Variants in FZD3 observed in about 807,000 individuals in gnomAD.
The protein encoded by FZD3 is frizzled-3.
Under a neutral mutation model 60.7 loss-of-function variants are expected in FZD3, and 30 were observed. The observed-to-expected ratio is 0.49, with a 90% CI of 0.37 to 0.67. The LOEUF (loss-of-function observed/expected upper bound fraction) is 0.67. Ranked by LOEUF, FZD3 falls within the 30% of genes least tolerant of loss-of-function variation. The pLI, the probability that FZD3 is intolerant of heterozygous loss-of-function variation, is 0.00. For synonymous variants in FZD3, 246 were observed against 275.2 expected, an observed-to-expected ratio of 0.89 and a Z score of 1.05; for missense variants, 605 against 838.7, an observed-to-expected ratio of 0.72 and a Z score of 3.44.
intron 5 of FZD3, among the ~76,000 whole-genome samples, chr8:28,537,366 A>C (rs946499124): frequency 3.3e-5 from 5 of 152,256 alleles, no homozygotes; most frequent in African/African-American, 1.2e-4. Flanking sequence ...CCACTGCAGA[A>C]ATACCTGATA....
Position 28,527,277 on chromosome 8 carries a change from C to G in FZD3, c.517C>G (p.Pro173Ala). 6.2e-7 allele frequency: 1 copy of G among 1,613,938 alleles called. No homozygotes were observed. The highest frequency in any genetic ancestry group is 2.2e-5 in the East Asian group (1 of 44,874). ...GTGTCCCCGAGAGTTAAAAATTGAT[C>G]CTGATCTGGGTTATTCTTTTCTGCA... ...FWCPRELKID[P>A]DLGYSFLHVR... Residue 173 changes from proline (P) to alanine (A), a missense_variant, in exon 5 of 8, where the codon CCT (proline) becomes GCT (alanine). Coordinates refer to ENST00000240093, the MANE Select transcript of FZD3 (RefSeq NM_017412.4). The surrounding 1 kb of genome is among the most constrained non-coding windows in gnomAD (Gnocchi z 5.0).
chr8:28,514,105 C>CCTATA (rs1354614537), intron 3 of FZD3, among the ~76,000 whole-genome samples: 1 of 152,140 alleles, frequency 6.6e-6, no homozygotes, highest in Non-Finnish European at 1.5e-5. Flanking sequence ...TTGTAAACTT[C>CCTATA]CTATACCCTG....
At chr8:28,525,775 C>G (rs1804699570) in intron 4 of FZD3, among the ~76,000 whole-genome samples, 2 of 152,096 alleles carry the variant, frequency 1.3e-5, no homozygotes, top group South Asian at 4.1e-4. Flanking sequence ...AAATGGAGAT[C>G]AATTGGAGGC....
intron 7 of FZD3, among the ~76,000 whole-genome samples, chr8:28,561,514 A>G (rs1805611875): frequency 6.6e-6 from 1 of 151,928 alleles, no homozygotes; most frequent in African/African-American, 2.4e-5. Flanking sequence ...TGTTACAATT[A>G]TTTTTGTGAA....
At chr8:28,525,203 C>T (rs1804685695) in intron 4 of FZD3, among the ~76,000 whole-genome samples, 1 of 152,128 alleles carries the variant, frequency 6.6e-6, no homozygotes, top group African/African-American at 2.4e-5. Flanking sequence ...GTGCTAGGCA[C>T]TATTCTAGAT....
rs1263331363 is a variant in FZD3, at chr8:28,573,566, G to GT, written c.*10561dup. 3 of 150,868 alleles carry GT rather than the reference G, an allele frequency of 2.0e-5. No individual in the cohort carries two copies. In the Admixed American group the frequency reaches 2.0e-4, roughly 10 times the overall value. The allele number at this position is 150,868 out of a possible 1,614,324, so 9.3% of individuals were successfully genotyped here. On this transcript the variant is annotated 3_prime_UTR_variant, in exon 8 of 8. Coordinates refer to ENST00000240093, the MANE Select transcript of FZD3 (RefSeq NM_017412.4). Reference sequence around the variant, plus strand: ...TATGAAGTCAGGGCCTGCTGATCCTGTTTTTTAAGTTCAAGCGCAATGCCT... The same window carrying GT: ...TATGAAGTCAGGGCCTGCTGATCCTGTTTTTTTAAGTTCAAGCGCAATGCCT...
chr8:28,548,932 T>G (rs1805353856), intron 5 of FZD3, among the ~76,000 whole-genome samples: 1 of 152,176 alleles, frequency 6.6e-6, no homozygotes, highest in Non-Finnish European at 1.5e-5. Context: ...TTCTTAGGTG[T>G]TTTGTCTCTT....
intron 5 of FZD3, among the ~76,000 whole-genome samples, chr8:28,548,465 C>T (rs1290852808): frequency 6.6e-6 from 1 of 152,110 alleles, no homozygotes; most frequent in East Asian, 1.9e-4. Flanking sequence ...TGCGCCTGGC[C>T]TGAATTTTTG....
chr8:28,494,311 CCCA>C lies in FZD3; in HGVS notation c.-420_-418del, dbSNP rs1554530344. Reference sequence around the variant, plus strand: ...CGCCCGCGGCAGGCGGTGCAGCCCCCCCACCCCTTGGAGCCAGGCGCCGGGGTC... The same window carrying C: ...CGCCCGCGGCAGGCGGTGCAGCCCCCCCCCTTGGAGCCAGGCGCCGGGGTC... On this transcript the variant is annotated 5_prime_UTR_variant, in exon 1 of 8. Coordinates refer to ENST00000240093, the MANE Select transcript of FZD3 (RefSeq NM_017412.4). The C allele has an allele frequency of 2.6e-5, 4 of 151,682 alleles. No homozygotes were observed. Among genetic ancestry groups the C allele is most frequent in the Admixed American group, 1.3e-4 (2 of 15,220 alleles). 9.4% of individuals were successfully genotyped at this position (151,682 alleles called of 1,614,324 possible). A position where few individuals can be genotyped will look rare whatever the true frequency, so the allele number is the denominator to read the frequency against.
chr8:28,502,568 G>A (rs75356228), intron 2 of FZD3, 102 bp from the exon 3 acceptor site: 3,623 of 152,574 alleles, frequency 0.024, 183 homozygotes, highest in African/African-American at 0.082. Flanking sequence ...TTAACTATTA[G>A]GTCAGTATAA....
intron 3 of FZD3, among the ~76,000 whole-genome samples, chr8:28,510,049 G>A (rs771908453): frequency 6.6e-6 from 1 of 152,132 alleles, no homozygotes; most frequent in Non-Finnish European, 1.5e-5. Context: ...ATTTCCACCA[G>A]TAATACACAA....
At chr8:28,514,428 T>G (rs866659834) in intron 3 of FZD3, among the ~76,000 whole-genome samples, 2 of 152,198 alleles carry the variant, frequency 1.3e-5, no homozygotes, top group African/African-American at 4.8e-5. Flanking sequence ...TGCCCTCATA[T>G]AAAGCATTCA....
intron 3 of FZD3, among the ~76,000 whole-genome samples, chr8:28,508,161 C>G (rs1804190510): frequency 6.6e-6 from 1 of 152,156 alleles, no homozygotes; most frequent in Non-Finnish European, 1.5e-5. Context: ...TCCCAAAGCA[C>G]TGGGATTACA....
Position 28,509,312 on chromosome 8 carries a change from C to G in FZD3, c.189+6110C>G, listed in dbSNP as rs1804223549. 1.3e-5 allele frequency among the ~76,000 whole-genome samples: 2 copies of G among 151,490 alleles called. 1 individual carries two copies. The highest frequency in any genetic ancestry group is 4.8e-5 in the African/African-American group (2 of 41,332). On this transcript the variant is annotated intron_variant, in intron 3 of 7. Transcript: ENST00000240093. ...AGTTTTTATCCTTCCATTTAAAAAC[C>G]TTAAATATAACACTTATATAAAATA...
chr8:28,561,623 A>T (rs1161404378), intron 7 of FZD3, among the ~76,000 whole-genome samples: 1 of 151,478 alleles, frequency 6.6e-6, no homozygotes, highest in Non-Finnish European at 1.5e-5. Flanking sequence ...CTAGCCTGCT[A>T]TATTTTATTT....
intron 3 of FZD3, among the ~76,000 whole-genome samples, chr8:28,507,671 T>G (rs1443523240): frequency 2.0e-5 from 3 of 152,184 alleles, no homozygotes; most frequent in African/African-American, 7.2e-5. Context: ...GATAAGTGCT[T>G]GCATGTTCCC....
At chr8:28,506,345 T>C (rs909514573) in intron 3 of FZD3, among the ~76,000 whole-genome samples, 3 of 152,206 alleles carry the variant, frequency 2.0e-5, no homozygotes, top group Admixed American at 6.5e-5. Context: ...TGATTTCCAA[T>C]AGGAAGTAAA....
chr8:28,497,393 A>G (rs1803871392), intron 1 of FZD3, among the ~76,000 whole-genome samples: 1 of 152,220 alleles, frequency 6.6e-6, no homozygotes. Context: ...AAGAGAAGGA[A>G]AGTAACATTT....
chr8:28,528,852 G>A (rs998808625), intron 5 of FZD3, among the ~76,000 whole-genome samples: 5 of 152,098 alleles, frequency 3.3e-5, no homozygotes, highest in African/African-American at 1.2e-4. Flanking sequence ...TAGATCAGAG[G>A]AGTTAATGCT....
Sources: allele counts gnomAD v4.1 joint callset (sites outside exome capture counted in the v4.1 genomes callset), GRCh38; gene constraint gnomAD v4.1.1; non-coding constraint Gnocchi (gnomAD v3.1); transcripts MANE v1.5; gene names NCBI Gene and HGNC (gene_info 2026-07-23, HGNC 2026-07-21).